Variants in PAQR7 observed in about 807,000 individuals in gnomAD.
PAQR7 encodes the protein progestin and adipoQ receptor family member 7, also known as membrane progestin receptor alpha.
Under a neutral mutation model 24.6 loss-of-function variants are expected in PAQR7, and 14 were observed. The ratio of observed to expected loss-of-function variants is 0.57; its 90% CI spans 0.38 to 0.89. PAQR7 has a LOEUF of 0.89. Among genes scored for constraint, PAQR7 ranks in the 40% least tolerant of loss-of-function variants. The pLI is 0.00. For synonymous variants in PAQR7, 189 were observed against 198.8 expected, an observed-to-expected ratio of 0.95 and a Z score of 0.42; for missense variants, 351 against 444.0, an observed-to-expected ratio of 0.79 and a Z score of 1.88.
Position 25,872,663 on chromosome 1 carries a change from G to A in PAQR7, c.-108-1969C>T, listed in dbSNP as rs930572167. On this transcript the variant is annotated intron_variant, in intron 1 of 2. Transcript: ENST00000675840. ...GAGTAGTTGGGAATCACAGGCGCAC[G>A]CTACCATGCCTATTTTTTTAAATTA... Among the ~76,000 whole-genome samples, 8 of 152,072 alleles carry A rather than the reference G, an allele frequency of 5.3e-5. No individual in the cohort carries two copies. In the East Asian group the frequency reaches 1.5e-3, roughly 29 times the overall value.
intron 1 of PAQR7, among the ~76,000 whole-genome samples, chr1:25,871,493 T>G (rs2124199263): frequency 6.6e-6 from 1 of 152,260 alleles, no homozygotes; most frequent in South Asian, 2.1e-4. Context: ...TCTCCAGGGC[T>G]CCAGTGGGAG....
rs956814861 is a variant in PAQR7 at position 25,875,155 on chromosome 1, T to C, written c.-109+333A>G. ...AGCAGCCCTCCCCTCCCCTGCTCAC[T>C]GGACAAACAGGCTCTCAGGCCCCCA... On this transcript the variant is annotated intron_variant, in intron 1 of 2. Transcript: ENST00000675840. The surrounding 1 kb of genome is among the most constrained non-coding windows in gnomAD (Gnocchi z 5.4). Among the ~76,000 whole-genome samples, 1 of 152,154 alleles carries C rather than the reference T, an allele frequency of 6.6e-6. No homozygotes were observed. Among genetic ancestry groups the C allele is most frequent in the Non-Finnish European group, 1.5e-5 (1 of 67,982 alleles).
chr1:25,864,261 T>C (rs1474363318), intron 2 of PAQR7, among the ~76,000 whole-genome samples: 1 of 152,178 alleles, frequency 6.6e-6, no homozygotes, highest in Non-Finnish European at 1.5e-5. Context: ...CCCGTGTTCA[T>C]GCCACCATTA....
In PAQR7 at chr1:25,863,339, A is replaced by G. The variant is rs757947446; in HGVS notation, c.501T>C (p.His167=). 5 of 1,614,246 alleles carry G rather than the reference A, an allele frequency of 3.1e-6. 1 individual carries two copies. In the South Asian group the frequency reaches 5.5e-5, roughly 18 times the overall value. Residue 167 remains histidine, a synonymous_variant, in exon 3 of 3, where the codon CAT becomes CAC. Transcript: ENST00000675840. This position sits in a 1 kb window ranked among gnomAD's most constrained non-coding sequence, Gnocchi z 6.1. ...GCAGAAAAACAGCCTGCACCTGGGC[A>G]TGCCAGGCGGGCTCGATAGCATAGT... ...HFYYAIEPAW[H]AQVQAVFLPM...
In PAQR7 at chr1:25,862,768, T is replaced by C; in HGVS notation, c.*31A>G. Reference sequence around the variant, plus strand: ...AACCCAGACCCCTGTCCCCCAACTATACCTCCCTCCCTACCAGATGCCATC... The same window carrying C: ...AACCCAGACCCCTGTCCCCCAACTACACCTCCCTCCCTACCAGATGCCATC... On this transcript the variant is annotated 3_prime_UTR_variant, in exon 3 of 3. Coordinates refer to ENST00000675840, the MANE Select transcript of PAQR7 (RefSeq NM_178422.6). 1.3e-6 allele frequency: 2 copies of C among 1,587,736 alleles called. No homozygotes were observed. Among genetic ancestry groups the C allele is most frequent in the Non-Finnish European group, 1.7e-6 (2 of 1,163,518 alleles).
intron 2 of PAQR7, among the ~76,000 whole-genome samples, chr1:25,864,257 T>C (rs1188710258): frequency 6.6e-6 from 1 of 152,164 alleles, no homozygotes; most frequent in African/African-American, 2.4e-5. Context: ...TCAGCCCGTG[T>C]TCATGCCACC....
rs1274971149 is a variant in PAQR7, at chr1:25,863,173, G to A, written c.667C>T (p.His223Tyr). Residue 223 changes from histidine (H) to tyrosine (Y), a missense_variant, in exon 3 of 3, where the codon CAT (histidine) becomes TAT (tyrosine). Physicochemically the swap from His to Tyr is moderately conservative, Grantham distance 83. Coordinates refer to ENST00000675840, the MANE Select transcript of PAQR7 (RefSeq NM_178422.6). This position sits in a 1 kb window ranked among gnomAD's most constrained non-coding sequence, Gnocchi z 6.1. ...GGGTCGGAGGACACGAAGATACGAT[G>A]CACCACAGGACTAATGTCCAGTGCG... ...AYALDISPVV[H>Y]RIFVSSDPTT... The A allele has an allele frequency of 1.9e-6, 3 of 1,614,114 alleles. No individual in the cohort carries two copies. Among genetic ancestry groups the A allele is most frequent in the Non-Finnish European group, 2.5e-6 (3 of 1,180,050 alleles).
intron 2 of PAQR7, among the ~76,000 whole-genome samples, 196 bp downstream of exon 2, chr1:25,870,413 G>A (rs1477482788): frequency 6.6e-6 from 1 of 152,184 alleles, no homozygotes; most frequent in African/African-American, 2.4e-5. Context: ...GGTGTCTTGT[G>A]TGATGTCACC....
In PAQR7 at chr1:25,862,699, C is replaced by G; in HGVS notation, c.*100G>C. 1 of 1,263,330 alleles carries G rather than the reference C, an allele frequency of 7.9e-7. No individual in the cohort carries two copies. Among genetic ancestry groups the G allele is most frequent in the Non-Finnish European group, 1.1e-6 (1 of 906,350 alleles). 78.3% of individuals were successfully genotyped at this position (1,263,330 alleles called of 1,614,324 possible). A position where few individuals can be genotyped will look rare whatever the true frequency, so the allele number is the denominator to read the frequency against. On this transcript the variant is annotated 3_prime_UTR_variant, in exon 3 of 3. Coordinates refer to ENST00000675840, the MANE Select transcript of PAQR7 (RefSeq NM_178422.6). ...TCGTGCACAGAGAGTCACTGTGGGC[C>G]AGACACAAACAACTTTACCAGGCCT... is the stretch of plus-strand genomic sequence containing the variant.
Position 25,863,238 on chromosome 1 carries a change from A to G in PAQR7, c.602T>C (p.Leu201Pro). ...GGGCACCTCCTGGCATGTGCGGCCCAGCAGGCCTGGTTTCTGGATGTACTT... is the reference window on the plus strand; with the variant it reads ...GGGCACCTCCTGGCATGTGCGGCCCGGCAGGCCTGGTTTCTGGATGTACTT... ...YNKYIQKPGL[L>P]GRTCQEVPSV... Residue 201 changes from leucine (L) to proline (P), a missense_variant, in exon 3 of 3, where the codon CTG becomes CCG. Transcript: ENST00000675840. This position sits in a 1 kb window ranked among gnomAD's most constrained non-coding sequence, Gnocchi z 6.1. 1 of 1,614,260 alleles carries G rather than the reference A, an allele frequency of 6.2e-7. No individual in the cohort carries two copies.
Position 25,863,247 on chromosome 1 carries a change from G to C in PAQR7, c.593C>G (p.Pro198Arg). 6.2e-7 allele frequency: 1 copy of C among 1,614,268 alleles called. No homozygotes were observed. The highest frequency in any genetic ancestry group is 8.5e-7 in the Non-Finnish European group (1 of 1,180,040). The change falls in exon 3 of 3, where the codon CCA (proline) becomes CGA (arginine). Residue 198 changes from proline (P) to arginine (R), a missense_variant. Pro to Arg is a moderately radical substitution (Grantham distance 103, BLOSUM62 -2). Coordinates refer to ENST00000675840, the MANE Select transcript of PAQR7 (RefSeq NM_178422.6). This position sits in a 1 kb window ranked among gnomAD's most constrained non-coding sequence, Gnocchi z 6.1. ...CTGGCATGTGCGGCCCAGCAGGCCT[G>C]GTTTCTGGATGTACTTGTTATAGCA... The part of the protein sequence containing the change: ...GSCYNKYIQK[P>R]GLLGRTCQEV...
intron 2 of PAQR7, among the ~76,000 whole-genome samples, chr1:25,868,438 A>G (rs1362214293): frequency 6.6e-6 from 1 of 152,164 alleles, no homozygotes. Flanking sequence ...GCTGGACACG[A>G]TGGCTCATGC....
rs371152071 is a variant in PAQR7, at chr1:25,862,965, G to A, written c.875C>T (p.Ala292Val). The A allele has an allele frequency of 6.2e-7, 1 of 1,614,058 alleles. No homozygotes were observed. The highest frequency in any genetic ancestry group is 1.3e-5 in the African/African-American group (1 of 74,930). ...LVLCTLAQLE[A>V]VALDYEARRP... The stretch of plus-strand genomic sequence containing the variant: ...TCGGGCCTCATAGTCCAGTGCCACA[G>A]CCTCCAGCTGAGCCAGCGTGCACAG... The change falls in exon 3 of 3, where the codon GCT (alanine) becomes GTT (valine). Residue 292 changes from alanine (A) to valine (V), a missense_variant. Transcript: ENST00000675840.
chr1:25,872,324 CA>C (rs1187945317), intron 1 of PAQR7, among the ~76,000 whole-genome samples: 5 of 152,108 alleles, frequency 3.3e-5, no homozygotes, highest in Admixed American at 2.0e-4. Flanking sequence ...CTCCAAATGT[CA>C]AAGGAGAGAG....
chr1:25,869,979 A>G (rs1394283588), intron 2 of PAQR7, among the ~76,000 whole-genome samples: 2 of 151,980 alleles, frequency 1.3e-5, no homozygotes, highest in Admixed American at 6.6e-5. Flanking sequence ...CCGCTGCCCT[A>G]TTTTCTTTAG....
Position 25,863,884 on chromosome 1 carries a change from G to A in PAQR7, c.-22-23C>T. 1 of 1,553,722 alleles carries A rather than the reference G, an allele frequency of 6.4e-7. No individual in the cohort carries two copies. Among genetic ancestry groups the A allele is most frequent in the Non-Finnish European group, 8.7e-7 (1 of 1,151,262 alleles). On this transcript the variant is annotated intron_variant, in intron 2 of 2. Transcript: ENST00000675840. This position sits in a 1 kb window ranked among gnomAD's most constrained non-coding sequence, Gnocchi z 6.1. ...GAGCTGGGAGAGAGACCAGAGCAAA[G>A]TCAGGGGCCTGGTGTCCTCACCCCC... is the stretch of plus-strand genomic sequence containing the variant.
Position 25,863,893 on chromosome 1 carries a change from C to A in PAQR7, c.-22-32G>T. ...GAGAGACCAGAGCAAAGTCAGGGGCCTGGTGTCCTCACCCCCACGAGCAGC... is the reference window on the plus strand; with the variant it reads ...GAGAGACCAGAGCAAAGTCAGGGGCATGGTGTCCTCACCCCCACGAGCAGC... On this transcript the variant is annotated intron_variant, in intron 2 of 2. Transcript: ENST00000675840. The surrounding 1 kb of genome is among the most constrained non-coding windows in gnomAD (Gnocchi z 6.1). 6.6e-7 allele frequency: 1 copy of A among 1,523,800 alleles called. No homozygotes were observed. Among genetic ancestry groups the A allele is most frequent in the South Asian group, 1.3e-5 (1 of 79,848 alleles). 94.4% of individuals were successfully genotyped at this position (1,523,800 alleles called of 1,614,324 possible). A position where few individuals can be genotyped will look rare whatever the true frequency, so the allele number is the denominator to read the frequency against.
chr1:25,866,927 C>A (rs2048561858), intron 2 of PAQR7, among the ~76,000 whole-genome samples: 1 of 152,172 alleles, frequency 6.6e-6, no homozygotes, highest in South Asian at 2.1e-4. Context: ...GACAGGGTTT[C>A]ACCACATTGG....
At chr1:25,870,063 A>G (rs2048590775) in intron 2 of PAQR7, among the ~76,000 whole-genome samples, 1 of 152,152 alleles carries the variant, frequency 6.6e-6, no homozygotes, top group Non-Finnish European at 1.5e-5. Flanking sequence ...GACTCCATGG[A>G]AAGGGACTCT....
Sources: gnomAD v4.1 joint callset for allele counts (sites outside exome capture counted in the v4.1 genomes callset) on GRCh38, gnomAD v4.1.1 for gene constraint, Gnocchi (gnomAD v3.1) non-coding constraint, MANE v1.5 for transcripts, NCBI Gene and HGNC (gene_info 2026-07-23, HGNC 2026-07-21) for gene names.